The following PXDNL variants were observed in gnomAD, a reference collection of about 807,000 sequenced individuals.
The protein encoded by PXDNL is probable oxidoreductase PXDNL.
A neutral mutation model predicts 150.8 loss-of-function variants in PXDNL; 145 were observed. The ratio of observed to expected loss-of-function variants is 0.96; its 90% CI spans 0.84 to 1.10. PXDNL has a LOEUF of 1.10. PXDNL is among the 50% of genes least tolerant of loss of function. The probability of loss-of-function intolerance (pLI) is 0.00; values close to 1 mark genes in which losing one functional copy is unlikely to be tolerated. For missense variants in PXDNL, 2,087 were observed against 1,873.9 expected (o/e 1.11, Z -2.10); for synonymous variants, 757 against 725.7 (o/e 1.04, Z -0.69).
intron 1 of PXDNL, among the ~76,000 whole-genome samples, chr8:51,667,135 A>G (rs1196679568): frequency 6.6e-6 from 1 of 152,124 alleles, no homozygotes; most frequent in Non-Finnish European, 1.5e-5. Flanking sequence ...GTCTTCAAAA[A>G]TTCTGCTCAA....
chr8:51,377,235 G>A (rs1285750839), intron 17 of PXDNL, among the ~76,000 whole-genome samples: 1 of 147,890 alleles, frequency 6.8e-6, no homozygotes, highest in Admixed American at 7.0e-5. Context: ...CTTAGTACTT[G>A]GTGCTGGAGT....
At chr8:51,612,673 C>T (rs912086247) in intron 2 of PXDNL, among the ~76,000 whole-genome samples, 1 of 152,204 alleles carries the variant, frequency 6.6e-6, no homozygotes, top group Non-Finnish European at 1.5e-5. Context: ...GAGCTCCCTC[C>T]CCAATTCCAC....
chr8:51,637,412 G>A (rs1453730137), intron 2 of PXDNL, among the ~76,000 whole-genome samples: 1 of 152,082 alleles, frequency 6.6e-6, no homozygotes, highest in South Asian at 2.1e-4. Context: ...TGAGATAAAG[G>A]ACTAAGTTCG....
intron 4 of PXDNL, among the ~76,000 whole-genome samples, chr8:51,547,310 G>A (rs903702404): frequency 3.9e-5 from 6 of 152,100 alleles, no homozygotes; most frequent in African/African-American, 1.2e-4. Flanking sequence ...AATTTCACCA[G>A]CTGCAACACC....
At chr8:51,381,359 C>A (rs1807532549) in intron 17 of PXDNL, among the ~76,000 whole-genome samples, 1 of 151,372 alleles carries the variant, frequency 6.6e-6, no homozygotes, top group African/African-American at 2.4e-5. Context: ...CCTGTGTTTC[C>A]AATAAAATGA....
intron 1 of PXDNL, among the ~76,000 whole-genome samples, chr8:51,727,986 C>A (rs980037118): frequency 1.3e-5 from 2 of 152,146 alleles, no homozygotes; most frequent in African/African-American, 4.8e-5. Flanking sequence ...AAATTTTGTT[C>A]TCTTAAATTT....
chr8:51,799,613 A>G (rs1421762706), intron 1 of PXDNL, among the ~76,000 whole-genome samples: 1 of 152,200 alleles, frequency 6.6e-6, no homozygotes, highest in Non-Finnish European at 1.5e-5. Context: ...TTAAAAATAA[A>G]TTCTCAACAC....
chr8:51,479,625 C>T (rs1810555652), intron 6 of PXDNL, among the ~76,000 whole-genome samples: 1 of 152,124 alleles, frequency 6.6e-6, no homozygotes, highest in South Asian at 2.1e-4. Context: ...AGTCAAATGT[C>T]TCATGTTTTC....
intron 1 of PXDNL, among the ~76,000 whole-genome samples, chr8:51,738,631 TA>T (rs34878686): frequency 0.97 from 147,339 of 151,566 alleles, 71,745 homozygotes; most frequent in South Asian, 1. Context: ...CTTGACAGTG[TA>T]AAAAAAAAAG....
At chr8:51,393,270 C>T (rs1181701027) in intron 17 of PXDNL, among the ~76,000 whole-genome samples, 1 of 152,194 alleles carries the variant, frequency 6.6e-6, no homozygotes, top group African/African-American at 2.4e-5. Context: ...GACTTAGCAT[C>T]CAGGCAGTCT....
intron 11 of PXDNL, among the ~76,000 whole-genome samples, chr8:51,447,555 C>T (rs371184892): frequency 1.3e-5 from 2 of 152,098 alleles, no homozygotes; most frequent in South Asian, 4.1e-4. Flanking sequence ...AATACAATAA[C>T]GTGATTAAAA....
rs1162763167 is a variant in PXDNL, at chr8:51,345,931, T to C, written c.3918A>G (p.Gly1306=). Residue 1306 remains glycine (G), a synonymous_variant, in exon 20 of 23, where the codon GGA becomes GGG. Coordinates refer to ENST00000356297, the MANE Select transcript of PXDNL (RefSeq NM_144651.5). The stretch of plus-strand genomic sequence containing the variant: ...ACTCTTGCGTCACTGCTCTGAACTG[T>C]CCTCTACTCCTACAGTCTGTGGGGA... ...QDCCADCRSR[G]QFRAVTQESQ... The C allele has an allele frequency of 6.2e-6, 10 of 1,610,702 alleles. No homozygotes were observed. Among genetic ancestry groups the C allele is most frequent in the Non-Finnish European group, 8.5e-6 (10 of 1,176,908 alleles).
At chr8:51,393,102 A>C (rs970555798) in intron 17 of PXDNL, among the ~76,000 whole-genome samples, 6 of 152,224 alleles carry the variant, frequency 3.9e-5, no homozygotes, top group Non-Finnish European at 7.3e-5. Flanking sequence ...TGCCGCTCTG[A>C]AATGAAAAGG....
intron 2 of PXDNL, among the ~76,000 whole-genome samples, chr8:51,625,505 T>TA (rs983341491): frequency 3.3e-5 from 5 of 152,216 alleles, no homozygotes; most frequent in South Asian, 2.1e-4. Context: ...AAAACCAGTA[T>TA]AAAAAATAAA....
chr8:51,456,210 A>G (rs1432256191), intron 9 of PXDNL, among the ~76,000 whole-genome samples: 1 of 152,184 alleles, frequency 6.6e-6, no homozygotes, highest in African/African-American at 2.4e-5. Context: ...GAATACCCTG[A>G]GTGATCTGAC....
intron 12 of PXDNL, among the ~76,000 whole-genome samples, chr8:51,438,607 C>T (rs1183842252): frequency 1.3e-5 from 2 of 152,058 alleles, no homozygotes; most frequent in Admixed American, 1.3e-4. Flanking sequence ...CCCAGCTACT[C>T]AGGAGGCTGA....
At chr8:51,733,634 CCT>C (rs1325934765) in intron 1 of PXDNL, among the ~76,000 whole-genome samples, 1 of 151,808 alleles carries the variant, frequency 6.6e-6, no homozygotes, top group Non-Finnish European at 1.5e-5. Context: ...ATGGCGAAAC[CCT>C]GTCTCTAATA....
chr8:51,468,378 A>G (rs1810249338), intron 8 of PXDNL, among the ~76,000 whole-genome samples: 1 of 151,936 alleles, frequency 6.6e-6, no homozygotes, highest in African/African-American at 2.4e-5. Context: ...ATTAAGTATG[A>G]TCTAATGATT....
chr8:51,327,429 A>G (rs2130627268), intron 21 of PXDNL, among the ~76,000 whole-genome samples: 1 of 152,338 alleles, frequency 6.6e-6, no homozygotes, highest in African/African-American at 2.4e-5. Context: ...CGGAAAATTT[A>G]GAAGAGCTTT....
Sources: gnomAD v4.1 joint callset for allele counts (sites outside exome capture counted in the v4.1 genomes callset) on GRCh38, gnomAD v4.1.1 for gene constraint, MANE v1.5 for transcripts, NCBI Gene and HGNC (gene_info 2026-07-23, HGNC 2026-07-21) for gene names.